Variants in LMF1 observed in about 807,000 individuals in gnomAD.
LMF1 encodes transmembrane protein 112.
A neutral mutation model predicts 60.6 loss-of-function variants in LMF1; 68 were observed. The ratio of observed to expected loss-of-function variants is 1.12; its 90% CI spans 0.92 to 1.37. The LOEUF is 1.37. Among genes scored for constraint, LMF1 ranks in the 40% most tolerant of loss-of-function variants. The pLI is 0.00. For missense variants in LMF1, 948 were observed against 767.2 expected (o/e 1.24, Z -2.78); for synonymous variants, 418 against 324.7 (o/e 1.29, Z -3.09).
At chr16:865,574 T>C (rs770472291) in intron 10 of LMF1, among the ~76,000 whole-genome samples, 3 of 152,214 alleles carry the variant, frequency 2.0e-5, no homozygotes, top group Non-Finnish European at 4.4e-5. Flanking sequence ...AATGTTTTAT[T>C]ATCTCTGGTT....
intron 2 of LMF1, 136 bp from the exon 3 acceptor site, chr16:934,390 G>A: frequency 1.9e-6 from 2 of 1,064,196 alleles, no homozygotes; most frequent in Admixed American, 2.0e-5. Context: ...AGGAGGACCT[G>A]CCCGCTGGGC....
chr16:901,028 G>C (rs1362264410), intron 4 of LMF1: 2 of 151,412 alleles, frequency 1.3e-5, no homozygotes, highest in African/African-American at 4.8e-5. Flanking sequence ...GCCACCCCAG[G>C]ACAGCCATGC....
chr16:958,608 C>T (rs1183393056), intron 1 of LMF1, among the ~76,000 whole-genome samples: 4 of 152,206 alleles, frequency 2.6e-5, no homozygotes, highest in Admixed American at 2.0e-4. Flanking sequence ...GTGCCCAGGC[C>T]GGGCGCGGTG....
chr16:971,678 GCACTCTA>G (rs1190968555), upstream of LMF1, among the ~76,000 whole-genome samples: 5 of 152,222 alleles, frequency 3.3e-5, no homozygotes, highest in East Asian at 3.9e-4. Context: ...GAGGACGCCA[GCACTCTA>G]CACTCTGATG....
chr16:893,709 G>C (rs1481778346), intron 4 of LMF1, among the ~76,000 whole-genome samples: 1 of 152,086 alleles, frequency 6.6e-6, no homozygotes, highest in Non-Finnish European at 1.5e-5. Context: ...CAGGGCCACA[G>C]TGAAGCATCT....
upstream of LMF1, among the ~76,000 whole-genome samples, chr16:973,903 G>A (rs897544562): frequency 3.3e-5 from 5 of 151,986 alleles, no homozygotes; most frequent in Non-Finnish European, 7.4e-5. Flanking sequence ...CCAGCTACTC[G>A]GGAGGCTGAG....
At chr16:899,741 G>C (rs1328328710) in intron 4 of LMF1, 2 of 152,234 alleles carry the variant, frequency 1.3e-5, no homozygotes, top group African/African-American at 4.8e-5. Context: ...GGCAGGCTCG[G>C]GGGTGAAGCA....
At chr16:905,460 T>G (rs1444358583) in intron 4 of LMF1, among the ~76,000 whole-genome samples, 1 of 152,058 alleles carries the variant, frequency 6.6e-6, no homozygotes, top group Admixed American at 6.5e-5. Context: ...TCAGCTGTTC[T>G]TGGGGGGAGG....
intron 10 of LMF1, among the ~76,000 whole-genome samples, chr16:857,076 C>T (rs949510044): frequency 2.3e-4 from 35 of 152,242 alleles, no homozygotes; most frequent in African/African-American, 3.9e-4. Context: ...TCTCAGGTTC[C>T]GCCAGGTCGT....
chr16:965,008 T>C (rs748991669), intron 1 of LMF1, among the ~76,000 whole-genome samples: 10 of 152,218 alleles, frequency 6.6e-5, no homozygotes, highest in Non-Finnish European at 1.0e-4. Flanking sequence ...GGAGATCCCC[T>C]AGAGGTCGGA....
At chr16:881,226 A>G in intron 5 of LMF1, among the ~76,000 whole-genome samples, 1 of 152,116 alleles carries the variant, frequency 6.6e-6, no homozygotes, top group East Asian at 1.9e-4. Flanking sequence ...ACAGGGCCCC[A>G]GTGCACCCCA....
At chr16:893,169 A>G (rs1285215310) in intron 4 of LMF1, 97 bp from the exon 5 acceptor site, 1 of 1,051,634 alleles carries the variant, frequency 9.5e-7, no homozygotes, top group African/African-American at 1.6e-5. Flanking sequence ...CCATCCACGA[A>G]GGCCGTGGAT....
At chr16:938,347 CGGGGCTGG>C (rs2072002127) in intron 2 of LMF1, among the ~76,000 whole-genome samples, 1 of 148,834 alleles carries the variant, frequency 6.7e-6, no homozygotes, top group Admixed American at 6.7e-5. Context: ...ACAGCAGGGA[CGGGGCTGG>C]ACGGCGGCTC....
At chr16:908,347 A>G (rs1301362597) in intron 4 of LMF1, among the ~76,000 whole-genome samples, 2 of 152,192 alleles carry the variant, frequency 1.3e-5, no homozygotes, top group East Asian at 3.8e-4. Flanking sequence ...GCCGGGTTGC[A>G]GCTATGCCCT....
intron 5 of LMF1, among the ~76,000 whole-genome samples, chr16:881,087 G>T (rs1036167492): frequency 6.6e-6 from 1 of 152,204 alleles, no homozygotes; most frequent in African/African-American, 2.4e-5. Context: ...GAGAGGCTAC[G>T]TGGAAGTCGG....
rs936987562 is a variant in LMF1, at chr16:874,281, AGGGCCTCC to A, written c.898-2948_898-2941del. On this transcript the variant is annotated intron_variant, in intron 6 of 10. Transcript: ENST00000262301. This position sits in a 1 kb window ranked among gnomAD's most constrained non-coding sequence, Gnocchi z 4.1. Reference sequence around the variant, plus strand: ...GCCGGCCTGTGTGTGCGGGGCTGGCAGGGCCTCCGGGCCTCTGTCTTGAGCGGGCGTGG... The same window carrying A: ...GCCGGCCTGTGTGTGCGGGGCTGGCAGGGCCTCTGTCTTGAGCGGGCGTGG... Among the ~76,000 whole-genome samples, 12 of 139,190 alleles carry A rather than the reference AGGGCCTCC, an allele frequency of 8.6e-5. No homozygotes were observed. Among genetic ancestry groups the A allele is most frequent in the Non-Finnish European group, 1.4e-4 (9 of 64,726 alleles). The allele number at this position is 139,190 out of a possible 152,430, so 91.3% of individuals were successfully genotyped here. A position where few individuals can be genotyped will look rare whatever the true frequency, so the allele number is the denominator to read the frequency against.
At chr16:922,321 G>C (rs2071453575) in intron 3 of LMF1, among the ~76,000 whole-genome samples, 1 of 152,210 alleles carries the variant, frequency 6.6e-6, no homozygotes. Context: ...AGGGGGTTCT[G>C]ATCCAGCTGT....
chr16:931,367 C>G (rs2071779227), intron 3 of LMF1, among the ~76,000 whole-genome samples: 1 of 152,254 alleles, frequency 6.6e-6, no homozygotes, highest in African/African-American at 2.4e-5. Flanking sequence ...TTGCGGGCCG[C>G]AGGGTCCCAG....
At chr16:931,228 C>A (rs1181629256) in intron 3 of LMF1, among the ~76,000 whole-genome samples, 1 of 152,218 alleles carries the variant, frequency 6.6e-6, no homozygotes, top group Non-Finnish European at 1.5e-5. Context: ...CTTTTTATTT[C>A]ATTTAGTTTT....
Sources: allele counts gnomAD v4.1 joint callset (sites outside exome capture counted in the v4.1 genomes callset), GRCh38; gene constraint gnomAD v4.1.1; non-coding constraint Gnocchi (gnomAD v3.1); transcripts MANE v1.5; gene names NCBI Gene and HGNC (gene_info 2026-07-23, HGNC 2026-07-21).